Variants in BTG4 observed in about 807,000 individuals in gnomAD.
BTG4 encodes the protein protein BTG4.
In BTG4, 10 loss-of-function variants were observed where a neutral mutation model predicts 19.3. That is an observed-to-expected ratio of 0.52 (90% confidence interval 0.32 to 0.88). The LOEUF (loss-of-function observed/expected upper bound fraction) is 0.88, where lower values mean the gene tolerates loss of function less well. BTG4 is among the 40% of genes least tolerant of loss of function. The pLI is 0.04. For synonymous variants in BTG4, 91 were observed against 95.7 expected (o/e 0.95, Z 0.29); for missense variants, 238 against 281.9 (o/e 0.84, Z 1.11).
At chr11:111,428,927 G>A in the BTG4 span, among the ~76,000 whole-genome samples, 4 of 152,164 alleles carry the variant, frequency 2.6e-5, no homozygotes, top group African/African-American at 9.7e-5. Context: ...TTAAGCGAAT[G>A]TGCAATCACC....
At chr11:111,407,804 G>A in the BTG4 span, among the ~76,000 whole-genome samples, 1 of 152,240 alleles carries the variant, frequency 6.6e-6, no homozygotes, top group Non-Finnish European at 1.5e-5. Flanking sequence ...CATCCTCAGA[G>A]AGGGTAAGTA....
chr11:111,493,793 T>C (rs964077899), downstream of BTG4, among the ~76,000 whole-genome samples: 5 of 152,144 alleles, frequency 3.3e-5, no homozygotes, highest in African/African-American at 1.2e-4. Context: ...AATGCTGCTA[T>C]GTGCCCTAAT....
the BTG4 span, among the ~76,000 whole-genome samples, chr11:111,440,692 G>A: frequency 4.6e-5 from 7 of 152,238 alleles, no homozygotes; most frequent in African/African-American, 1.7e-4. Flanking sequence ...TTAGATGGGA[G>A]ATAAGGAAGC....
chr11:111,476,621 A>T (rs1864413160), intron 5 of BTG4, among the ~76,000 whole-genome samples: 1 of 152,140 alleles, frequency 6.6e-6, no homozygotes, highest in Admixed American at 6.6e-5. Flanking sequence ...TCATCAGGTA[A>T]GTACCAAATT....
the BTG4 span, among the ~76,000 whole-genome samples, chr11:111,412,596 A>AAACTGTTCT: frequency 2.6e-5 from 4 of 152,220 alleles, no homozygotes; most frequent in Non-Finnish European, 5.9e-5. Flanking sequence ...TATGTGTCAA[A>AAACTGTTCT]AACTGTTCTA....
chr11:111,498,011 CA>C lies in BTG4; in HGVS notation c.297del (p.Phe99LeufsTer76), dbSNP rs760094450. 1 of 1,614,006 alleles carries C rather than the reference CA, an allele frequency of 6.2e-7. No individual in the cohort carries two copies. Among genetic ancestry groups the C allele is most frequent in the South Asian group, 1.1e-5 (1 of 91,040 alleles). ...GAGATTACTCACCTACAGCATACTT[CA>C]AAGGGATCTACCCATATGGTCATCT... ...PKEMTIWVDPFEVCCRYGEKN... is the reference protein window; with the variant it reads ...PKEMTIWVDPXEVCCRYGEKN... On this transcript the variant is annotated frameshift_variant, in exon 3 of 5. Transcript: ENST00000692032. LOFTEE classifies it high-confidence loss of function.
chr11:111,466,472 T>G (rs534178134), downstream of BTG4, among the ~76,000 whole-genome samples: 4 of 152,330 alleles, frequency 2.6e-5, no homozygotes, highest in East Asian at 7.7e-4. Flanking sequence ...GAAGAAAATC[T>G]GTTGCCATCT....
the BTG4 span, chr11:111,384,700 A>G: frequency 1.3e-5 from 2 of 152,190 alleles, no homozygotes; most frequent in African/African-American, 4.8e-5. Flanking sequence ...AGAGTGACTC[A>G]GGAGGATGTT....
At chr11:111,395,035 G>A in the BTG4 span, among the ~76,000 whole-genome samples, 1 of 152,254 alleles carries the variant, frequency 6.6e-6, no homozygotes, top group African/African-American at 2.4e-5. Flanking sequence ...TCCATGAGGT[G>A]ACTAAGGAAG....
the BTG4 span, among the ~76,000 whole-genome samples, chr11:111,431,822 C>A: frequency 6.6e-6 from 1 of 152,172 alleles, no homozygotes; most frequent in African/African-American, 2.4e-5. Context: ...AAGAACTGAA[C>A]TCTAGCAACT....
chr11:111,459,104 T>C, the BTG4 span, among the ~76,000 whole-genome samples: 1 of 151,964 alleles, frequency 6.6e-6, no homozygotes, highest in South Asian at 2.1e-4. Flanking sequence ...TAGCCAGACA[T>C]AGTGGTGGGA....
the BTG4 span, among the ~76,000 whole-genome samples, chr11:111,426,519 C>A: frequency 6.6e-6 from 1 of 152,090 alleles, no homozygotes; most frequent in Non-Finnish European, 1.5e-5. Context: ...GGTGGGTGGA[C>A]AAGGTGTTTC....
At chr11:111,484,122 A>G (rs1288800826) in intron 5 of BTG4, among the ~76,000 whole-genome samples, 18 of 152,166 alleles carry the variant, frequency 1.2e-4, no homozygotes, top group Non-Finnish European at 4.4e-5. Flanking sequence ...CATATCTAGC[A>G]GAATTATTCT....
the BTG4 span, among the ~76,000 whole-genome samples, chr11:111,415,227 C>A: frequency 0.04 from 6,124 of 152,208 alleles, 127 homozygotes; most frequent in Middle Eastern, 0.14. Context: ...TACCAGTGAC[C>A]CCCGCCTCCC....
chr11:111,501,488 A>C (rs1866076948), intron 1 of BTG4, among the ~76,000 whole-genome samples: 1 of 152,218 alleles, frequency 6.6e-6, no homozygotes, highest in African/African-American at 2.4e-5. Flanking sequence ...ATGTAAGTAT[A>C]AGGATTATCA....
chr11:111,446,483 A>G, the BTG4 span, among the ~76,000 whole-genome samples: 3 of 152,202 alleles, frequency 2.0e-5, no homozygotes, highest in Non-Finnish European at 4.4e-5. Flanking sequence ...CAGATCACCC[A>G]TACTGTTGAA....
chr11:111,469,561 G>A (rs1333846424), intron 5 of BTG4, among the ~76,000 whole-genome samples: 1 of 152,206 alleles, frequency 6.6e-6, no homozygotes, highest in Non-Finnish European at 1.5e-5. Flanking sequence ...CTTCACAGAA[G>A]TGGTTTTCCT....
upstream of BTG4, chr11:111,514,527 C>T (rs955637318): frequency 2.0e-6 from 1 of 492,786 alleles, no homozygotes; most frequent in African/African-American, 2.0e-5. Context: ...AACTACTCCC[C>T]CACTGACTCC....
the BTG4 span, among the ~76,000 whole-genome samples, chr11:111,436,195 C>T: frequency 6.6e-6 from 1 of 152,214 alleles, no homozygotes; most frequent in African/African-American, 2.4e-5. Flanking sequence ...TCTTACTCTT[C>T]ATTTCACCCT....
Sources: allele counts gnomAD v4.1 joint callset (sites outside exome capture counted in the v4.1 genomes callset), GRCh38; gene constraint gnomAD v4.1.1; transcripts MANE v1.5; gene names NCBI Gene and HGNC (gene_info 2026-07-23, HGNC 2026-07-21).